AFAP1L2: variants seen among roughly 807,000 people sequenced by gnomAD.
AFAP1L2 encodes the protein actin filament-associated protein 1-like 2.
Under a neutral mutation model 99.3 loss-of-function variants are expected in AFAP1L2, and 46 were observed. The ratio of observed to expected loss-of-function variants is 0.46; its 90% CI spans 0.37 to 0.59. The LOEUF is 0.59. AFAP1L2 is among the 20% of genes least tolerant of loss of function. AFAP1L2 has a pLI of 0.00. For missense variants in AFAP1L2, 959 were observed against 1,034.9 expected (o/e 0.93, Z 1.01); for synonymous variants, 397 against 419.1 (o/e 0.95, Z 0.64).
At chr10:114,338,768 A>G (rs1365066628) in intron 2 of AFAP1L2, among the ~76,000 whole-genome samples, 1 of 152,240 alleles carries the variant, frequency 6.6e-6, no homozygotes, top group Non-Finnish European at 1.5e-5. Flanking sequence ...TGGCCAAGAC[A>G]GAACTTTCTG....
intron 16 of AFAP1L2, among the ~76,000 whole-genome samples, chr10:114,298,899 C>T (rs1488433409): frequency 2.6e-5 from 4 of 152,124 alleles, no homozygotes; most frequent in African/African-American, 7.2e-5. Flanking sequence ...AGTCAGCCAA[C>T]CAGAGCTCAA....
chr10:114,289,490 GT>G, the AFAP1L2 span: 4 of 1,614,116 alleles, frequency 2.5e-6, no homozygotes, highest in South Asian at 2.2e-5. Flanking sequence ...CTGTGTGGAG[GT>G]GAGTGGGGGA....
At chr10:114,282,593 T>C in the AFAP1L2 span, 1 of 1,612,146 alleles carries the variant, frequency 6.2e-7, no homozygotes, top group African/African-American at 1.3e-5. Flanking sequence ...CTCTTGGATT[T>C]ACAGGTTCTT....
In AFAP1L2 at chr10:114,365,520, A is replaced by G. The variant is rs114414614; in HGVS notation, c.17-24789T>C. Among the ~76,000 whole-genome samples the G allele has an allele frequency of 6.3e-3, 960 of 152,278 alleles. 13 individuals are homozygous for G. Among genetic ancestry groups the G allele is most frequent in the African/African-American group, 0.022 (915 of 41,554 alleles). ...ATAATATCTAGGATCAGGTTGAGAA[A>G]GATAATCTTTATCCTGTATAGAAAA... On this transcript the variant is annotated intron_variant, in intron 1 of 18. Transcript: ENST00000304129.
intron 4 of AFAP1L2, among the ~76,000 whole-genome samples, chr10:114,329,158 T>C (rs1445558188): frequency 6.6e-6 from 1 of 152,166 alleles, no homozygotes; most frequent in East Asian, 1.9e-4. Flanking sequence ...CACCAGTTCC[T>C]TTCAAACAGG....
At chr10:114,309,822 C>G (rs1490915487) in intron 8 of AFAP1L2, among the ~76,000 whole-genome samples, 5 of 152,178 alleles carry the variant, frequency 3.3e-5, no homozygotes, top group African/African-American at 4.8e-5. Context: ...ATTCGCCCAC[C>G]CCCGGCACCT....
chr10:114,325,733 C>T, intron 4 of AFAP1L2: 2 of 763,854 alleles, frequency 2.6e-6, no homozygotes, highest in South Asian at 1.9e-5. Flanking sequence ...TTTGCCAGCC[C>T]CAGCCTGGTA....
chr10:114,286,455 A>T, the AFAP1L2 span: 1 of 1,609,712 alleles, frequency 6.2e-7, no homozygotes, highest in Non-Finnish European at 8.5e-7. Context: ...GATCCTCAGG[A>T]TCTGTTCAAC....
chr10:114,284,996 C>G, the AFAP1L2 span: 1 of 1,539,748 alleles, frequency 6.5e-7, no homozygotes, highest in Admixed American at 2.1e-5. Flanking sequence ...CCCTGCAAGA[C>G]TGACCACTGG....
At chr10:114,290,726 G>A (rs947151809), downstream of AFAP1L2, among the ~76,000 whole-genome samples, 1 of 152,124 alleles carries the variant, frequency 6.6e-6, no homozygotes, top group Non-Finnish European at 1.5e-5. Context: ...TAGATCCAGG[G>A]TACAGGGATG....
At chr10:114,310,561 T>C (rs1272595468) in intron 7 of AFAP1L2, 118 bp from the exon 8 acceptor site, 15 of 918,726 alleles carry the variant, frequency 1.6e-5, no homozygotes, top group Non-Finnish European at 2.1e-5. Flanking sequence ...AGAGAGAAGA[T>C]GAATTTCCAA....
chr10:114,399,089 C>T (rs941339327), intron 1 of AFAP1L2, among the ~76,000 whole-genome samples: 1 of 152,164 alleles, frequency 6.6e-6, no homozygotes, highest in African/African-American at 2.4e-5. Context: ...GTTCATTTCC[C>T]CACTCCCCAA....
At chr10:114,308,023 T>C in intron 9 of AFAP1L2, 114 bp from the exon 10 acceptor site, 1 of 843,532 alleles carries the variant, frequency 1.2e-6, no homozygotes, top group Non-Finnish European at 2.0e-6. Context: ...CCCTCCCCGC[T>C]ACATATGCGC....
downstream of AFAP1L2, chr10:114,291,467 ATGT>A (rs910323146): frequency 9.4e-6 from 5 of 532,694 alleles, no homozygotes; most frequent in South Asian, 7.7e-5. Context: ...CCCACAAACG[ATGT>A]TGTTGAAAAG....
the AFAP1L2 span, chr10:114,288,982 T>C: frequency 6.2e-7 from 1 of 1,614,014 alleles, no homozygotes; most frequent in Non-Finnish European, 8.5e-7. Context: ...GTTGGACACC[T>C]CTGCCTCAGT....
intron 3 of AFAP1L2, 59 bp from the exon 4 acceptor site, chr10:114,331,956 C>T: frequency 1.7e-6 from 2 of 1,149,222 alleles, no homozygotes; most frequent in Non-Finnish European, 2.2e-6. Flanking sequence ...CACAGGGTCT[C>T]CTTCCTCAGG....
chr10:114,301,417 C>T lies in AFAP1L2; in HGVS notation c.1479G>A (p.Leu493=), dbSNP rs1038075053. 6.2e-7 allele frequency: 1 copy of T among 1,614,242 alleles called. No individual in the cohort carries two copies. Residue 493 remains leucine, a synonymous_variant, in exon 13 of 19, where the codon CTG becomes CTA. Transcript: ENST00000304129. ...GCTCCTCCTGGCGGTCCTGGCTAGGCAGGCCATCGATGTAAGTGTTGGGCT... is the reference window on the plus strand; with the variant it reads ...GCTCCTCCTGGCGGTCCTGGCTAGGTAGGCCATCGATGTAAGTGTTGGGCT... ...FSEPNTYIDG[L]PSQDRQEELY...
rs754448507 is a variant in AFAP1L2, at chr10:114,313,868, C to G, written c.792+3G>C. Reference sequence around the variant, plus strand: ...CCTCCAAGTGGCTCGGTGTCGCCCTCACCCTGAGCCACTGCTCAGCCTGGT... The same window carrying G: ...CCTCCAAGTGGCTCGGTGTCGCCCTGACCCTGAGCCACTGCTCAGCCTGGT... On this transcript the variant is annotated splice_donor_region_variant and intron_variant, in intron 7 of 18. Coordinates refer to ENST00000304129, the MANE Select transcript of AFAP1L2 (RefSeq NM_001001936.3). The G allele has an allele frequency of 6.2e-7, 1 of 1,600,046 alleles. No individual in the cohort carries two copies. The highest frequency in any genetic ancestry group is 1.1e-5 in the South Asian group (1 of 90,408).
rs184172258 is a variant in AFAP1L2 at position 114,324,453 on chromosome 10, T to C, written c.316-1192A>G. Among the ~76,000 whole-genome samples the C allele has an allele frequency of 6.3e-4, 94 of 149,766 alleles. No individual in the cohort carries two copies. The East Asian group carries it at 0.014, about 22-fold the overall frequency. ...TTTTAGCAGAGATGGGGTTTCATCA[T>C]GTTGGCCAGGCTGGTCTCAAACTCC... On this transcript the variant is annotated intron_variant, in intron 4 of 18. Coordinates refer to ENST00000304129, the MANE Select transcript of AFAP1L2 (RefSeq NM_001001936.3).
Sources: gnomAD v4.1 joint callset for allele counts (sites outside exome capture counted in the v4.1 genomes callset) on GRCh38, gnomAD v4.1.1 for gene constraint, MANE v1.5 for transcripts, NCBI Gene and HGNC (gene_info 2026-07-23, HGNC 2026-07-21) for gene names.